The following MCU variants were observed in gnomAD, a reference collection of about 807,000 sequenced individuals.
MCU encodes mitochondrial calcium uniporter, also known as calcium uniporter protein, mitochondrial.
Under a neutral mutation model 45.2 loss-of-function variants are expected in MCU, and 12 were observed. The observed-to-expected ratio is 0.27, with a 90% CI of 0.17 to 0.43. MCU has a LOEUF of 0.43. Ranked by LOEUF, MCU falls within the 20% of genes least tolerant of loss-of-function variation. MCU has a pLI of 1.00. For synonymous variants in MCU, 160 were observed against 165.1 expected (o/e 0.97, Z 0.24); for missense variants, 324 against 436.7 (o/e 0.74, Z 2.30).
At chr10:72,692,558 G>A in intron 1 of MCU, 1 of 1,090,704 alleles carries the variant, frequency 9.2e-7, no homozygotes, top group Non-Finnish European at 1.1e-6. Context: ...GGACACCAGG[G>A]CGGGGAAGGC....
At chr10:72,789,925 T>G (rs540257681) in intron 1 of MCU, among the ~76,000 whole-genome samples, 1 of 152,286 alleles carries the variant, frequency 6.6e-6, no homozygotes, top group East Asian at 1.9e-4. Flanking sequence ...GGAAAATGAA[T>G]GTGAAAGCTA....
intron 1 of MCU, among the ~76,000 whole-genome samples, chr10:72,805,101 C>CTCTTTCTTTTTCTT (rs1844414487): frequency 1.9e-5 from 2 of 103,398 alleles, no homozygotes; most frequent in Non-Finnish European, 3.7e-5. Flanking sequence ...TTCTTTCTTT[C>CTCTTTCTTTTTCTT]TCTTTCTTTC....
chr10:72,700,737 C>T (rs1589422572), intron 1 of MCU, among the ~76,000 whole-genome samples: 1 of 152,192 alleles, frequency 6.6e-6, no homozygotes, highest in East Asian at 1.9e-4. Context: ...CGCATTTTGA[C>T]ATCTCAAAGA....
intron 1 of MCU, among the ~76,000 whole-genome samples, 153 bp from the exon 2 acceptor site, chr10:72,834,204 AAG>A (rs1283933700): frequency 6.6e-6 from 1 of 152,218 alleles, no homozygotes; most frequent in Non-Finnish European, 1.5e-5. Context: ...AGGAGTTTGA[AAG>A]ACTTTTATTT....
At chr10:72,722,129 A>G (rs1317230100) in intron 1 of MCU, among the ~76,000 whole-genome samples, 1 of 152,134 alleles carries the variant, frequency 6.6e-6, no homozygotes, top group Non-Finnish European at 1.5e-5. Context: ...TTCTTGGTAT[A>G]AATATTAACG....
chr10:72,740,930 T>C (rs1843319571), intron 1 of MCU, among the ~76,000 whole-genome samples: 1 of 152,230 alleles, frequency 6.6e-6, no homozygotes, highest in Non-Finnish European at 1.5e-5. Flanking sequence ...TAACGTAATA[T>C]AGGCTTTTCC....
intron 4 of MCU, among the ~76,000 whole-genome samples, chr10:72,865,125 G>A (rs553998202): frequency 5.9e-5 from 9 of 152,174 alleles, no homozygotes; most frequent in South Asian, 4.2e-4. Context: ...AGAAATGAAC[G>A]TTTAGTTTTT....
intron 1 of MCU, among the ~76,000 whole-genome samples, chr10:72,785,208 T>A (rs1179557751): frequency 6.6e-6 from 1 of 152,196 alleles, no homozygotes; most frequent in African/African-American, 2.4e-5. Context: ...GCTACTGCCG[T>A]CACTTTTCTA....
intron 2 of MCU, among the ~76,000 whole-genome samples, chr10:72,854,776 G>C (rs373572457): frequency 2.6e-5 from 4 of 152,156 alleles, no homozygotes; most frequent in South Asian, 4.1e-4. Context: ...AAGTTTGTTG[G>C]AACACAGCCA....
At chr10:72,870,954 G>T (rs1411027627) in intron 5 of MCU, among the ~76,000 whole-genome samples, 3 of 152,164 alleles carry the variant, frequency 2.0e-5, no homozygotes, top group Non-Finnish European at 2.9e-5. Context: ...AGGCTGGAGT[G>T]CAGTGGTGTG....
At chr10:72,832,997 CAAATA>C (rs1241920676) in intron 1 of MCU, among the ~76,000 whole-genome samples, 1 of 132,248 alleles carries the variant, frequency 7.6e-6, no homozygotes, top group Non-Finnish European at 1.7e-5. Context: ...TGTGGAGAAA[CAAATA>C]AACAAGAATA....
At chr10:72,824,197 CTTT>C (rs35710019) in intron 1 of MCU, among the ~76,000 whole-genome samples, 10 of 135,184 alleles carry the variant, frequency 7.4e-5, no homozygotes, top group Non-Finnish European at 9.7e-5. Flanking sequence ...TGATTTCTTT[CTTT>C]TTTTTTTTTT....
intron 4 of MCU, among the ~76,000 whole-genome samples, chr10:72,867,714 G>C (rs1458746034): frequency 1.3e-5 from 2 of 151,994 alleles, no homozygotes; most frequent in Non-Finnish European, 2.9e-5. Context: ...AATTAGCCGG[G>C]CATGGTGGTG....
chr10:72,854,264 C>G (rs1845253513), intron 2 of MCU, among the ~76,000 whole-genome samples: 1 of 152,058 alleles, frequency 6.6e-6, no homozygotes, highest in Non-Finnish European at 1.5e-5. Flanking sequence ...TGAACTCCAG[C>G]CTGGGCAACG....
chr10:72,694,155 A>G (rs1589419864), intron 1 of MCU, among the ~76,000 whole-genome samples: 2 of 152,224 alleles, frequency 1.3e-5, no homozygotes, highest in Non-Finnish European at 2.9e-5. Flanking sequence ...GGTGACTTGT[A>G]CATGAATTTA....
chr10:72,729,952 C>CATTTTTTTTTTTTTTTTTTTTTTTT (rs1413419136), intron 1 of MCU, among the ~76,000 whole-genome samples: 2 of 90,554 alleles, frequency 2.2e-5, no homozygotes, highest in African/African-American at 7.7e-5. Flanking sequence ...CTTCAGCATT[C>CATTTTTTTTTTTTTTTTTTTTTTTT]TTTTTTTTTT....
chr10:72,875,941 G>C (rs1845610493), intron 6 of MCU, among the ~76,000 whole-genome samples: 1 of 152,060 alleles, frequency 6.6e-6, no homozygotes, highest in African/African-American at 2.4e-5. Context: ...ATTGATTCTT[G>C]GGGAGTAAAA....
intron 1 of MCU, among the ~76,000 whole-genome samples, chr10:72,728,860 G>GATTAAAATT (rs1444378365): frequency 6.6e-6 from 1 of 152,164 alleles, no homozygotes. Context: ...ACCATGGAGG[G>GATTAAAATT]ATTAAAATTA....
intron 6 of MCU, among the ~76,000 whole-genome samples, chr10:72,883,665 C>T (rs994625691): frequency 6.6e-6 from 1 of 152,000 alleles, no homozygotes; most frequent in Non-Finnish European, 1.5e-5. Context: ...TTAGTAAGAA[C>T]GGAAACAACC....
Sources: gnomAD v4.1 joint callset for allele counts (sites outside exome capture counted in the v4.1 genomes callset) on GRCh38, gnomAD v4.1.1 for gene constraint, MANE v1.5 for transcripts, NCBI Gene and HGNC (gene_info 2026-07-23, HGNC 2026-07-21) for gene names.